MGAT5: variants seen among roughly 807,000 people sequenced by gnomAD.
MGAT5 encodes the protein alpha-1,6-mannosylglycoprotein 6-beta-N-acetylglucosaminyltransferase A.
Under a neutral mutation model 94.3 loss-of-function variants are expected in MGAT5, and 30 were observed. The observed-to-expected ratio is 0.32, with a 90% confidence interval of 0.24 to 0.43. MGAT5 has a LOEUF of 0.43. MGAT5 is among the 20% of genes least tolerant of loss of function. The pLI, the probability that MGAT5 is intolerant of heterozygous loss-of-function variation, is 1.00. For synonymous variants in MGAT5, 310 were observed against 322.9 expected, an observed-to-expected ratio of 0.96 and a Z score of 0.43; for missense variants, 691 against 905.5, an observed-to-expected ratio of 0.76 and a Z score of 3.04.
chr2:134,181,851 A>C (rs1688749234), intron 1 of MGAT5, among the ~76,000 whole-genome samples: 1 of 152,188 alleles, frequency 6.6e-6, no homozygotes, highest in African/African-American at 2.4e-5. Context: ...GAATTGTTGG[A>C]GCTTCCTCTA....
chr2:134,301,602 T>G (rs1686022882), intron 2 of MGAT5, among the ~76,000 whole-genome samples: 1 of 152,142 alleles, frequency 6.6e-6, no homozygotes, highest in Non-Finnish European at 1.5e-5. Context: ...AAGAGAGGCG[T>G]GTGTCTATTA....
At chr2:134,208,732 A>G (rs1680142445) in intron 1 of MGAT5, among the ~76,000 whole-genome samples, 1 of 152,254 alleles carries the variant, frequency 6.6e-6, no homozygotes, top group Non-Finnish European at 1.5e-5. Flanking sequence ...GAGCCTAGAC[A>G]AGTTCTGAAA....
chr2:134,429,319 A>G (rs1432330163), intron 14 of MGAT5, among the ~76,000 whole-genome samples: 1 of 152,254 alleles, frequency 6.6e-6, no homozygotes, highest in Non-Finnish European at 1.5e-5. Flanking sequence ...AGCAGCCAGC[A>G]GCCCTGGGTG....
At chr2:134,443,790 T>C (rs1685622831) in intron 15 of MGAT5, among the ~76,000 whole-genome samples, 1 of 152,244 alleles carries the variant, frequency 6.6e-6, no homozygotes, top group South Asian at 2.1e-4. Context: ...TTGAGAACCC[T>C]GAGTCTGTCT....
At chr2:134,283,961 A>T (rs1436201380) in intron 2 of MGAT5, among the ~76,000 whole-genome samples, 3 of 152,128 alleles carry the variant, frequency 2.0e-5, no homozygotes, top group Non-Finnish European at 4.4e-5. Flanking sequence ...AGAGACTGTG[A>T]GCCCTAGTGA....
chr2:134,225,042 AGCCAGCCTGG>A (rs1468102467), intron 1 of MGAT5, among the ~76,000 whole-genome samples: 4 of 147,986 alleles, frequency 2.7e-5, no homozygotes, highest in Non-Finnish European at 6.0e-5. Context: ...TCTTACTGCA[AGCCAGCCTGG>A]GTGACAGAGT....
At chr2:134,169,974 T>G (rs959711886) in intron 1 of MGAT5, among the ~76,000 whole-genome samples, 1 of 152,212 alleles carries the variant, frequency 6.6e-6, no homozygotes, top group South Asian at 2.1e-4. Context: ...TTTTGAATCT[T>G]ACAGTTTCAT....
chr2:134,277,526 C>T (rs6748205), intron 2 of MGAT5, among the ~76,000 whole-genome samples: 336 of 152,290 alleles, frequency 2.2e-3, no homozygotes, highest in African/African-American at 7.7e-3. Context: ...ATGAGGGAAA[C>T]TGCCCCCATA....
In MGAT5 at chr2:134,440,513, G is replaced by A. The variant is rs528244233; in HGVS notation, c.1870-1245G>A. ...GGGGGTGCGCATGAATGCACCCCGCGATAGAACCATGTCCTGTCCAGGGCT... is the reference window on the plus strand; with the variant it reads ...GGGGGTGCGCATGAATGCACCCCGCAATAGAACCATGTCCTGTCCAGGGCT... On this transcript the variant is annotated intron_variant, in intron 14 of 15. Transcript: ENST00000281923. Among the ~76,000 whole-genome samples, 4 of 152,258 alleles carry A rather than the reference G, an allele frequency of 2.6e-5. No homozygotes were observed. In the East Asian group the frequency reaches 5.8e-4, roughly 22 times the overall value.
chr2:134,272,155 A>G (rs971109717), intron 2 of MGAT5, among the ~76,000 whole-genome samples: 3 of 152,238 alleles, frequency 2.0e-5, no homozygotes, highest in African/African-American at 7.2e-5. Context: ...CACAGAGCAC[A>G]GGGTCGTGGG....
chr2:134,442,027 A>T, intron 15 of MGAT5, 112 bp downstream of exon 15: 1 of 1,253,826 alleles, frequency 8.0e-7, no homozygotes, highest in Non-Finnish European at 1.1e-6. Flanking sequence ...GGCTGTGGGG[A>T]TAAGGTGTGG....
At chr2:134,263,268 G>A (rs1333346005) in intron 1 of MGAT5, among the ~76,000 whole-genome samples, 1 of 152,186 alleles carries the variant, frequency 6.6e-6, no homozygotes, top group Non-Finnish European at 1.5e-5. Flanking sequence ...TCAAAGAATA[G>A]CTTAAGAACT....
At chr2:134,227,041 AC>A (rs1681102756) in intron 1 of MGAT5, among the ~76,000 whole-genome samples, 1 of 151,652 alleles carries the variant, frequency 6.6e-6, no homozygotes, top group South Asian at 2.1e-4. Context: ...AATGTTGGTA[AC>A]TAATAAACTT....
intron 4 of MGAT5, among the ~76,000 whole-genome samples, chr2:134,333,708 G>C (rs942968492): frequency 6.6e-6 from 1 of 152,086 alleles, no homozygotes; most frequent in African/African-American, 2.4e-5. Context: ...AGAAAACAAA[G>C]TTAGGGATTA....
At chr2:134,209,458 C>T (rs1680209676) in intron 1 of MGAT5, among the ~76,000 whole-genome samples, 1 of 9,798 alleles carries the variant, frequency 1.0e-4, no homozygotes, top group Non-Finnish European at 1.3e-4. Context: ...TTTGTTCTTG[C>T]GATAGTTTAC....
intron 1 of MGAT5, among the ~76,000 whole-genome samples, chr2:134,128,308 C>T (rs1040053489): frequency 6.6e-6 from 1 of 151,920 alleles, no homozygotes; most frequent in African/African-American, 2.4e-5. Flanking sequence ...GATCAGAGAG[C>T]TGCAGGTTTG....
chr2:134,234,694 T>C (rs184450474), intron 1 of MGAT5, among the ~76,000 whole-genome samples: 2 of 152,288 alleles, frequency 1.3e-5, no homozygotes, highest in African/African-American at 2.4e-5. Flanking sequence ...TTGTGTTGGG[T>C]GGTGAATGAG....
intron 2 of MGAT5, among the ~76,000 whole-genome samples, chr2:134,314,758 C>T (rs17715534): frequency 0.13 from 20,133 of 152,166 alleles, 1,500 homozygotes; most frequent in Middle Eastern, 0.35. Context: ...AGGAGAAGGA[C>T]GTTCCAGGGA....
At chr2:134,397,605 A>C (rs964583860) in intron 10 of MGAT5, among the ~76,000 whole-genome samples, 2 of 152,102 alleles carry the variant, frequency 1.3e-5, no homozygotes, top group Admixed American at 1.3e-4. Flanking sequence ...CTGCGATGCT[A>C]TTTAGGAAGG....
Sources: gnomAD v4.1 joint callset for allele counts (sites outside exome capture counted in the v4.1 genomes callset) on GRCh38, gnomAD v4.1.1 for gene constraint, MANE v1.5 for transcripts, NCBI Gene and HGNC (gene_info 2026-07-23, HGNC 2026-07-21) for gene names.